ZNF804B: variants seen among roughly 807,000 people sequenced by gnomAD.
The protein encoded by ZNF804B is zinc finger 804B.
A neutral mutation model predicts 101.4 loss-of-function variants in ZNF804B; 80 were observed. That is an observed-to-expected ratio of 0.79 (90% confidence interval 0.66 to 0.95). ZNF804B has a LOEUF of 0.95. ZNF804B is among the 40% of genes least tolerant of loss of function. The pLI, the probability that ZNF804B is intolerant of heterozygous loss-of-function variation, is 0.00. For synonymous variants in ZNF804B, 622 were observed against 558.8 expected, an observed-to-expected ratio of 1.11 and a Z score of -1.59; for missense variants, 1,673 against 1,561.9, an observed-to-expected ratio of 1.07 and a Z score of -1.20.
intron 1 of ZNF804B, among the ~76,000 whole-genome samples, chr7:88,932,540 C>G (rs149771136): frequency 6.6e-6 from 1 of 151,810 alleles, no homozygotes; most frequent in East Asian, 1.9e-4. Context: ...TCCAAATGAG[C>G]TCAATTAAAA....
chr7:88,809,104 T>C (rs981968985), intron 1 of ZNF804B, among the ~76,000 whole-genome samples: 16 of 152,110 alleles, frequency 1.1e-4, no homozygotes, highest in Non-Finnish European at 2.2e-4. Context: ...TAAGAGGAGG[T>C]GTACACACTT....
chr7:89,277,235 A>C (rs1490957756), intron 2 of ZNF804B, among the ~76,000 whole-genome samples: 2 of 150,338 alleles, frequency 1.3e-5, no homozygotes, highest in Non-Finnish European at 3.0e-5. Flanking sequence ...GCACCAATAA[A>C]CAAACATTTG....
At chr7:89,018,476 G>GTT (rs71120051) in intron 1 of ZNF804B, among the ~76,000 whole-genome samples, 3,096 of 151,730 alleles carry the variant, frequency 0.02, 117 homozygotes, top group African/African-American at 0.071. Flanking sequence ...TTTTTATGGA[G>GTT]TTTTTTTGTA....
At chr7:88,956,170 G>T (rs895311065) in intron 1 of ZNF804B, among the ~76,000 whole-genome samples, 8 of 151,572 alleles carry the variant, frequency 5.3e-5, no homozygotes, top group African/African-American at 1.9e-4. Context: ...TTGGAAAACA[G>T]TATGGAGGTT....
chr7:88,926,987 C>T (rs918064287), intron 1 of ZNF804B, among the ~76,000 whole-genome samples: 1 of 149,656 alleles, frequency 6.7e-6, no homozygotes, highest in African/African-American at 2.5e-5. Flanking sequence ...GTGCAGGGCT[C>T]CTCAAAAGAA....
At chr7:89,129,199 C>T (rs1377005273) in intron 1 of ZNF804B, among the ~76,000 whole-genome samples, 3 of 151,996 alleles carry the variant, frequency 2.0e-5, no homozygotes, top group East Asian at 1.9e-4. Context: ...GTGCCCCCTC[C>T]TCCATGAATG....
In ZNF804B at chr7:89,144,247, A is replaced by G. The variant is rs544393223; in HGVS notation, c.109-73908A>G. ...TTTCAATGGATCCTATAACATATATATGTCATTTCTATTTTGAGAAAAAAG... is the reference window on the plus strand; with the variant it reads ...TTTCAATGGATCCTATAACATATATGTGTCATTTCTATTTTGAGAAAAAAG... On this transcript the variant is annotated intron_variant, in intron 1 of 3. Transcript: ENST00000333190. Among the ~76,000 whole-genome samples, 38 of 152,150 alleles carry G rather than the reference A, an allele frequency of 2.5e-4. 1 individual carries two copies. The highest frequency in any genetic ancestry group is 7.5e-4 in the African/African-American group (31 of 41,564).
chr7:88,790,306 G>A (rs1367157372), intron 1 of ZNF804B, among the ~76,000 whole-genome samples: 2 of 152,032 alleles, frequency 1.3e-5, no homozygotes, highest in African/African-American at 2.4e-5. Flanking sequence ...ACAAGTGCAG[G>A]ACGTGCAGAT....
At chr7:89,157,749 T>A (rs1790997991) in intron 1 of ZNF804B, among the ~76,000 whole-genome samples, 1 of 152,174 alleles carries the variant, frequency 6.6e-6, no homozygotes, top group South Asian at 2.1e-4. Flanking sequence ...TTTTGGTTTG[T>A]GCACACTTAT....
chr7:89,065,428 AT>A (rs971634416), intron 1 of ZNF804B, among the ~76,000 whole-genome samples: 34 of 151,406 alleles, frequency 2.2e-4, no homozygotes, highest in African/African-American at 7.8e-4. Context: ...CATCGTATGT[AT>A]TTTTTTTTCT....
chr7:89,331,377 A>G (rs1790979523), intron 3 of ZNF804B, among the ~76,000 whole-genome samples: 1 of 151,770 alleles, frequency 6.6e-6, no homozygotes, highest in Non-Finnish European at 1.5e-5. Flanking sequence ...AGAAACATTC[A>G]GTAACTCATA....
chr7:88,790,890 A>G (rs1272681675), intron 1 of ZNF804B, among the ~76,000 whole-genome samples: 1 of 152,054 alleles, frequency 6.6e-6, no homozygotes, highest in East Asian at 1.9e-4. Flanking sequence ...AGATTTCTGG[A>G]TTTTATCAAA....
chr7:89,092,385 A>C (rs191235806), intron 1 of ZNF804B, among the ~76,000 whole-genome samples: 2 of 147,250 alleles, frequency 1.4e-5, no homozygotes, highest in African/African-American at 5.0e-5. Context: ...ATTTTACTCT[A>C]ACATTGATTT....
intron 1 of ZNF804B, among the ~76,000 whole-genome samples, chr7:89,130,853 G>T (rs949158958): frequency 6.6e-6 from 1 of 151,840 alleles, no homozygotes; most frequent in African/African-American, 2.4e-5. Flanking sequence ...GCGTCTAGGG[G>T]GTGTCTTATT....
chr7:89,059,848 G>A (rs1041563081), intron 1 of ZNF804B, among the ~76,000 whole-genome samples: 1 of 152,054 alleles, frequency 6.6e-6, no homozygotes, highest in Admixed American at 6.6e-5. Flanking sequence ...AGTGTGTGAG[G>A]TTGAGCAGAC....
At chr7:88,994,443 C>A (rs1480429864) in intron 1 of ZNF804B, among the ~76,000 whole-genome samples, 1 of 152,010 alleles carries the variant, frequency 6.6e-6, no homozygotes, top group African/African-American at 2.4e-5. Context: ...TTTCATGACA[C>A]AATCAATTTG....
chr7:88,823,210 C>T lies in ZNF804B; in HGVS notation c.108+63126C>T, dbSNP rs375887226. Reference sequence around the variant, plus strand: ...CGACAGGGTGAGACTGTCTAAAAAACAAAACAAAACAAAACAAAAAACCAA... The same window carrying T: ...CGACAGGGTGAGACTGTCTAAAAAATAAAACAAAACAAAACAAAAAACCAA... On this transcript the variant is annotated intron_variant, in intron 1 of 3. Coordinates refer to ENST00000333190, the MANE Select transcript of ZNF804B (RefSeq NM_181646.5). Among the ~76,000 whole-genome samples, 6 of 151,976 alleles carry T rather than the reference C, an allele frequency of 3.9e-5. No homozygotes were observed. In the South Asian group the frequency reaches 1.2e-3, roughly 32 times the overall value.
At chr7:89,190,993 C>A (rs1788448012) in intron 1 of ZNF804B, among the ~76,000 whole-genome samples, 1 of 152,108 alleles carries the variant, frequency 6.6e-6, no homozygotes, top group African/African-American at 2.4e-5. Flanking sequence ...ATGTGACTTG[C>A]TTCATTGCAA....
chr7:89,299,062 C>T (rs1208716322), intron 2 of ZNF804B, among the ~76,000 whole-genome samples: 1 of 152,000 alleles, frequency 6.6e-6, no homozygotes, highest in African/African-American at 2.4e-5. Context: ...GACTTCTCAA[C>T]TTTCATAATA....
Sources: allele counts gnomAD v4.1 joint callset (sites outside exome capture counted in the v4.1 genomes callset), GRCh38; gene constraint gnomAD v4.1.1; transcripts MANE v1.5; gene names NCBI Gene and HGNC (gene_info 2026-07-23, HGNC 2026-07-21).